Variants in CBX7 observed in about 807,000 individuals in gnomAD.
CBX7 encodes chromobox 7.
In CBX7, 14 loss-of-function variants were observed where a neutral mutation model predicts 31.4. That is an observed-to-expected ratio of 0.45 (90% CI 0.29 to 0.70). The LOEUF (loss-of-function observed/expected upper bound fraction) is 0.70, where lower values mean the gene tolerates loss of function less well. Ranked by LOEUF, CBX7 falls within the 30% of genes least tolerant of loss-of-function variation. CBX7 has a pLI of 0.11. For missense variants in CBX7, 269 were observed against 351.9 expected, an observed-to-expected ratio of 0.76 and a Z score of 1.89; for synonymous variants, 159 against 152.6, an observed-to-expected ratio of 1.04 and a Z score of -0.31.
At chr22:39,139,702 CAAA>C (rs67244690) in intron 3 of CBX7, among the ~76,000 whole-genome samples, 1 of 32,072 alleles carries the variant, frequency 3.1e-5, no homozygotes. Flanking sequence ...GACTCCATCT[CAAA>C]AAAAAAAAAA....
chr22:39,144,527 C>A (rs984821669), intron 2 of CBX7, among the ~76,000 whole-genome samples: 2 of 152,060 alleles, frequency 1.3e-5, no homozygotes, highest in Non-Finnish European at 2.9e-5. Context: ...CCGCCCGGGG[C>A]TCTGGGAAGG....
chr22:39,137,939 T>C (rs951982179), intron 4 of CBX7, among the ~76,000 whole-genome samples: 6 of 151,958 alleles, frequency 3.9e-5, no homozygotes, highest in Non-Finnish European at 8.8e-5. Flanking sequence ...CCCAGCACTT[T>C]GGGAGGCCAA....
intron 2 of CBX7, among the ~76,000 whole-genome samples, chr22:39,143,590 T>C (rs565696783): frequency 3.2e-4 from 49 of 152,368 alleles, no homozygotes; most frequent in African/African-American, 1.1e-3. Context: ...ATGTTGACAA[T>C]AGACCAGGTC....
At chr22:39,139,459 T>G (rs929626205) in intron 3 of CBX7, among the ~76,000 whole-genome samples, 1 of 151,416 alleles carries the variant, frequency 6.6e-6, no homozygotes, top group African/African-American at 2.4e-5. Flanking sequence ...TCCCAGCACT[T>G]TGGGAGGCTG....
chr22:39,152,258 CA>C lies in CBX7; in HGVS notation c.69+117del, dbSNP rs1930886244. The C allele has an allele frequency of 1.6e-5, 7 of 433,526 alleles. No homozygotes were observed. The highest frequency in any genetic ancestry group is 2.5e-5 in the Non-Finnish European group (7 of 285,352). 26.9% of individuals were successfully genotyped at this position (433,526 alleles called of 1,614,324 possible). On this transcript the variant is annotated intron_variant, in intron 1 of 5. Coordinates refer to ENST00000216133, the MANE Select transcript of CBX7 (RefSeq NM_175709.5). The surrounding 1 kb of genome is among the most constrained non-coding windows in gnomAD (Gnocchi z 4.9). ...GGCTGGGGAGACGGGCCCAGCAGCG[CA>C]GGGCTGCCGGGGCCCCCGCGCCCCG...
chr22:39,148,690 C>G (rs1045474687), intron 2 of CBX7: 1 of 152,504 alleles, frequency 6.6e-6, no homozygotes, highest in African/African-American at 2.4e-5. Context: ...CTCCCAACCC[C>G]TGTCATCAGG....
rs5995688 is a variant in CBX7 at position 39,152,022 on chromosome 22, A to G, written c.69+354T>C. ...GTCCAGAGTCCCGAGTTCAAAACCC[A>G]GCTCTGACCATAACGCGCTAGGCAA... On this transcript the variant is annotated intron_variant, in intron 1 of 5. Coordinates refer to ENST00000216133, the MANE Select transcript of CBX7 (RefSeq NM_175709.5). This position sits in a 1 kb window ranked among gnomAD's most constrained non-coding sequence, Gnocchi z 4.9. 0.42 allele frequency among the ~76,000 whole-genome samples: 63,255 copies of G among 151,926 alleles called. 13,419 individuals are homozygous for G. The highest frequency in any genetic ancestry group is 0.46 in the African/African-American group (18,888 of 41,420).
At position 39,134,476 on chromosome 22, in the gene CBX7, G is replaced by A; in HGVS notation, c.523C>T (p.Gln175Ter). ...AGGACGTCTGGGGCCGGTGGCTCCT[G>A]CAGGAAGAGCTCCCGTCGATGGCTG... is the stretch of plus-strand genomic sequence containing the variant. ...SHSHRRELFL[Q>*]EPPAPDVLQA... is the part of the protein sequence containing the mutation. Residue 175 changes from glutamine (Q) to a stop codon, truncating the protein, a stop_gained, in exon 5 of 6, where the codon CAG (glutamine) becomes TAG (stop). Coordinates refer to ENST00000216133, the MANE Select transcript of CBX7 (RefSeq NM_175709.5). LOFTEE classifies it high-confidence loss of function. 1 of 1,609,840 alleles carries A rather than the reference G, an allele frequency of 6.2e-7. No individual in the cohort carries two copies. The highest frequency in any genetic ancestry group is 8.5e-7 in the Non-Finnish European group (1 of 1,179,834).
Position 39,134,463 on chromosome 22 carries a change from G to A in CBX7, c.536C>T (p.Ala179Val). The change falls in exon 5 of 6, where the codon GCC becomes GTC. Residue 179 changes from alanine to valine, a missense_variant. This residue lies in a region of CBX7 where 222 missense variants were observed against 240.4 expected (regional missense o/e 0.92). Transcript: ENST00000216133. Reference protein sequence around the residue: ...RRELFLQEPPAPDVLQAAGEW... With the variant: ...RRELFLQEPPVPDVLQAAGEW... ...GCCAGCCGCCTGCAGGACGTCTGGG[G>A]CCGGTGGCTCCTGCAGGAAGAGCTC... 1.2e-6 allele frequency: 2 copies of A among 1,608,204 alleles called. No homozygotes were observed. The highest frequency in any genetic ancestry group is 1.7e-6 in the Non-Finnish European group (2 of 1,179,832).
rs1203470517 is a variant in CBX7, at chr22:39,133,934, T to C, written c.713A>G (p.Gln238Arg). Reference protein sequence around the residue: ...NSITVTFREAQAAEGFFRDRS... With the variant: ...NSITVTFREARAAEGFFRDRS... Reference sequence around the variant, plus strand: ...GTCTCGGAAGAAGCCCTCAGCTGCCTGGGCCTCGCGGAAGGTGACGGTGAT... The same window carrying C: ...GTCTCGGAAGAAGCCCTCAGCTGCCCGGGCCTCGCGGAAGGTGACGGTGAT... The change falls in exon 6 of 6, where the codon CAG becomes CGG. Residue 238 changes from glutamine (Q) to arginine (R), a missense_variant. Transcript: ENST00000216133. 1.9e-6 allele frequency: 3 copies of C among 1,613,592 alleles called. No homozygotes were observed. The Admixed American group carries it at 5.0e-5, about 27-fold the overall frequency.
At chr22:39,147,882 C>A (rs1930717269) in intron 2 of CBX7, 1 of 152,190 alleles carries the variant, frequency 6.6e-6, no homozygotes. Flanking sequence ...CTGGGGAAAA[C>A]AAAAAGAACA....
chr22:39,143,415 A>G (rs1471814993), intron 2 of CBX7, among the ~76,000 whole-genome samples: 2 of 152,212 alleles, frequency 1.3e-5, no homozygotes, highest in African/African-American at 4.8e-5. Flanking sequence ...TGTTACTACA[A>G]AAAGAGACAA....
chr22:39,150,511 G>A (rs1313779245), intron 1 of CBX7, among the ~76,000 whole-genome samples: 1 of 152,192 alleles, frequency 6.6e-6, no homozygotes, highest in African/African-American at 2.4e-5. Flanking sequence ...GCTCAAGCCT[G>A]TCATCCCAAC....
rs745472594 is a variant in CBX7, at chr22:39,133,888, G to T, written c.*3C>A. 1.9e-6 allele frequency: 3 copies of T among 1,603,450 alleles called. No individual in the cohort carries two copies. The highest frequency in any genetic ancestry group is 2.6e-6 in the Non-Finnish European group (3 of 1,173,612). On this transcript the variant is annotated 3_prime_UTR_variant, in exon 6 of 6. Coordinates refer to ENST00000216133, the MANE Select transcript of CBX7 (RefSeq NM_175709.5). Reference sequence around the variant, plus strand: ...ACAGTTTAAGAAGAGTAAAAACGGTGATTCAGAACTTCCCACTGCGGTCTC... The same window carrying T: ...ACAGTTTAAGAAGAGTAAAAACGGTTATTCAGAACTTCCCACTGCGGTCTC...
At chr22:39,134,126 T>TA in intron 5 of CBX7, 78 bp from the exon 6 acceptor site, 1 of 1,416,560 alleles carries the variant, frequency 7.1e-7, no homozygotes, top group Non-Finnish European at 9.5e-7. Context: ...CGACCCCAAC[T>TA]CCAGCTCCTC....
At chr22:39,149,938 G>T in intron 1 of CBX7, 106 bp from the exon 2 acceptor site, 1 of 849,638 alleles carries the variant, frequency 1.2e-6, no homozygotes, top group Non-Finnish European at 2.0e-6. Flanking sequence ...CCCATCTGCA[G>T]ACAGGTGTCT....
At chr22:39,139,973 A>C (rs1392603433) in intron 3 of CBX7, among the ~76,000 whole-genome samples, 1 of 152,108 alleles carries the variant, frequency 6.6e-6, no homozygotes, top group Non-Finnish European at 1.5e-5. Context: ...ACGAAGCTAC[A>C]CATGACACAT....
intron 2 of CBX7, chr22:39,147,860 T>C (rs964968090): frequency 1.3e-5 from 2 of 152,240 alleles, no homozygotes; most frequent in Non-Finnish European, 2.9e-5. Flanking sequence ...ATCCCTTAGG[T>C]CCCTTTCCTG....
In CBX7 at chr22:39,133,860, A is replaced by G. The variant is rs1930135910; in HGVS notation, c.*31T>C. The G allele has an allele frequency of 6.4e-7, 1 of 1,552,200 alleles. No homozygotes were observed. The highest frequency in any genetic ancestry group is 8.8e-7 in the Non-Finnish European group (1 of 1,142,202). On this transcript the variant is annotated 3_prime_UTR_variant, in exon 6 of 6. Coordinates refer to ENST00000216133, the MANE Select transcript of CBX7 (RefSeq NM_175709.5). ...GGAAGTCCCACCCCAAGCCCAAAAG[A>G]AAACAGTTTAAGAAGAGTAAAAACG...
Sources: allele counts gnomAD v4.1 joint callset (sites outside exome capture counted in the v4.1 genomes callset), GRCh38; gene constraint gnomAD v4.1.1; regional missense constraint gnomAD v4.1.1; non-coding constraint Gnocchi (gnomAD v3.1); transcripts MANE v1.5; gene names NCBI Gene and HGNC (gene_info 2026-07-23, HGNC 2026-07-21).